FGF12: variants seen among roughly 807,000 people sequenced by gnomAD.
FGF12 encodes the protein fibroblast growth factor 12.
In FGF12, 14 loss-of-function variants were observed where a neutral mutation model predicts 23.6. The ratio of observed to expected loss-of-function variants is 0.59; its 90% CI spans 0.39 to 0.93. The LOEUF is 0.93. Among genes scored for constraint, FGF12 ranks in the 40% least tolerant of loss-of-function variants. FGF12 has a pLI of 0.00. For missense variants in FGF12, 175 were observed against 217.8 expected (o/e 0.80, Z 1.24); for synonymous variants, 62 against 77.3 (o/e 0.80, Z 1.04).
intron 3 of FGF12, among the ~76,000 whole-genome samples, chr3:192,343,012 GA>G (rs1191654512): frequency 6.6e-6 from 1 of 151,616 alleles, no homozygotes; most frequent in Non-Finnish European, 1.5e-5. Flanking sequence ...AGAGAGGGAG[GA>G]AGAAGGGAGG....
intron 4 of FGF12, among the ~76,000 whole-genome samples, chr3:192,305,053 A>C (rs1050028000): frequency 2.0e-5 from 3 of 152,150 alleles, no homozygotes; most frequent in Admixed American, 6.5e-5. Context: ...AACAAGAGAG[A>C]TTAACAGAGA....
chr3:192,661,727 T>C (rs750553013), intron 2 of FGF12, among the ~76,000 whole-genome samples: 1 of 151,890 alleles, frequency 6.6e-6, no homozygotes, highest in Non-Finnish European at 1.5e-5. Context: ...CTGACTAGAG[T>C]CTGAGATTAC....
intron 4 of FGF12, among the ~76,000 whole-genome samples, chr3:192,319,719 T>A (rs1039494519): frequency 1.8e-4 from 27 of 151,590 alleles, no homozygotes; most frequent in African/African-American, 6.3e-4. Flanking sequence ...ACATGTAGAG[T>A]TTTTATTAGT....
intron 4 of FGF12, among the ~76,000 whole-genome samples, chr3:192,334,081 A>C (rs2108697546): frequency 6.6e-6 from 1 of 152,232 alleles, no homozygotes; most frequent in South Asian, 2.1e-4. Flanking sequence ...ATACGAGTTC[A>C]GTTAATGAAA....
intron 2 of FGF12, among the ~76,000 whole-genome samples, chr3:192,726,475 A>G (rs1293109013): frequency 6.6e-6 from 1 of 152,218 alleles, no homozygotes; most frequent in East Asian, 1.9e-4. Flanking sequence ...TCAATATGCC[A>G]TTCAGAAGTT....
intron 2 of FGF12, among the ~76,000 whole-genome samples, chr3:192,582,633 T>C (rs1713202350): frequency 6.6e-6 from 1 of 151,822 alleles, no homozygotes; most frequent in African/African-American, 2.4e-5. Context: ...ATTTCAGTCC[T>C]GGTGGTTGGT....
chr3:192,209,664 A>T (rs188132723), intron 4 of FGF12, among the ~76,000 whole-genome samples: 4 of 152,298 alleles, frequency 2.6e-5, no homozygotes, highest in Admixed American at 2.6e-4. Flanking sequence ...GATTTTAGAG[A>T]TAGGATACAG....
At chr3:192,215,347 G>A (rs530607717) in intron 4 of FGF12, among the ~76,000 whole-genome samples, 1 of 152,284 alleles carries the variant, frequency 6.6e-6, no homozygotes, top group South Asian at 2.1e-4. Context: ...TCATCACCCA[G>A]CAATTTAAAG....
chr3:192,434,367 G>A (rs933591313), intron 2 of FGF12, among the ~76,000 whole-genome samples: 1 of 152,158 alleles, frequency 6.6e-6, no homozygotes, highest in Non-Finnish European at 1.5e-5. Context: ...GGCATGGAAA[G>A]GTTACATAAC....
intron 2 of FGF12, 43 bp downstream of exon 2, chr3:192,727,138 C>A: frequency 6.4e-7 from 1 of 1,565,714 alleles, no homozygotes; most frequent in Non-Finnish European, 8.7e-7. Context: ...CTTGGCCACA[C>A]GCACATGCAG....
At chr3:192,319,504 C>T (rs995307619) in intron 4 of FGF12, among the ~76,000 whole-genome samples, 1 of 151,756 alleles carries the variant, frequency 6.6e-6, no homozygotes, top group Non-Finnish European at 1.5e-5. Flanking sequence ...GACTGAGGCA[C>T]GAGAAGAACT....
chr3:192,461,428 TAAGAG>T (rs1388485939), intron 2 of FGF12, among the ~76,000 whole-genome samples: 25 of 152,194 alleles, frequency 1.6e-4, no homozygotes, highest in Admixed American at 1.6e-3. Flanking sequence ...TACCCTAAAG[TAAGAG>T]AAGAGTACAA....
intron 2 of FGF12, among the ~76,000 whole-genome samples, chr3:192,715,538 C>A (rs1235614661): frequency 6.6e-6 from 1 of 152,160 alleles, no homozygotes; most frequent in Non-Finnish European, 1.5e-5. Context: ...ATGCCAACTC[C>A]TTCCTAGATG....
intron 2 of FGF12, among the ~76,000 whole-genome samples, chr3:192,609,226 G>C (rs1164051554): frequency 1.3e-5 from 2 of 152,128 alleles, no homozygotes; most frequent in East Asian, 3.9e-4. Flanking sequence ...ATGCTGAATA[G>C]ATGATGCATA....
At position 192,277,801 on chromosome 3, in the gene FGF12, C is replaced by T. The variant is rs376684948; in HGVS notation, c.228+57560G>A. 1.7e-4 allele frequency among the ~76,000 whole-genome samples: 26 copies of T among 152,284 alleles called. No homozygotes were observed. The South Asian group carries it at 5.2e-3, about 30-fold the overall frequency. On this transcript the variant is annotated intron_variant, in intron 4 of 5. Coordinates refer to ENST00000445105, the MANE Select transcript of FGF12 (RefSeq NM_004113.6). ...TTTTTGAGACAGAGTCTCGCTCTGT[C>T]GCCCTGGCTGGAGTGCAGTGGTGCG...
At chr3:192,557,189 G>A (rs1470792466) in intron 2 of FGF12, among the ~76,000 whole-genome samples, 6 of 151,100 alleles carry the variant, frequency 4.0e-5, no homozygotes, top group Non-Finnish European at 1.5e-5. Flanking sequence ...CAAAAGAAAG[G>A]AAATAATCAA....
intron 4 of FGF12, among the ~76,000 whole-genome samples, chr3:192,281,676 A>C (rs1263601656): frequency 2.0e-5 from 3 of 152,116 alleles, no homozygotes; most frequent in African/African-American, 7.2e-5. Flanking sequence ...ACACATGGGC[A>C]AACAGTTTTC....
intron 2 of FGF12, among the ~76,000 whole-genome samples, chr3:192,447,066 C>A (rs529743732): frequency 2.0e-4 from 30 of 152,206 alleles, no homozygotes; most frequent in Admixed American, 5.9e-4. Flanking sequence ...TTTTTCCCAT[C>A]TTCAACCTAA....
chr3:192,512,837 T>TAAATAAATAAATAA (rs1553823899), intron 2 of FGF12, among the ~76,000 whole-genome samples: 5 of 76,038 alleles, frequency 6.6e-5, no homozygotes, highest in African/African-American at 2.6e-4. Flanking sequence ...CTCAAATAAA[T>TAAATAAATAAATAA]ATATATATAT....
Sources: allele counts gnomAD v4.1 joint callset (sites outside exome capture counted in the v4.1 genomes callset), GRCh38; gene constraint gnomAD v4.1.1; transcripts MANE v1.5; gene names NCBI Gene and HGNC (gene_info 2026-07-23, HGNC 2026-07-21).